GPC3: variants seen among roughly 807,000 people sequenced by gnomAD.
GPC3 encodes the protein glypican-3.
GPC3 carries 3 observed loss-of-function variants against 34.4 expected under a neutral mutation model. That is an observed-to-expected ratio of 0.09 (90% CI 0.04 to 0.23). The LOEUF (loss-of-function observed/expected upper bound fraction) is 0.23. Ranked by LOEUF, GPC3 falls within the 10% of genes least tolerant of loss-of-function variation. The pLI is 1.00. For synonymous variants in GPC3, 177 were observed against 174.0 expected (o/e 1.02, Z -0.13); for missense variants, 351 against 445.6 (o/e 0.79, Z 1.91).
At chrX:133,649,259 T>G (rs765985955) in intron 6 of GPC3, among the ~76,000 whole-genome samples, 2 of 99,572 alleles carry the variant, frequency 2.0e-5, no homozygotes, top group East Asian at 5.7e-4. Flanking sequence ...ATGACGAGGA[T>G]ATATATATAT....
intron 2 of GPC3, among the ~76,000 whole-genome samples, chrX:133,942,881 C>T (rs1037576812): frequency 1.8e-5 from 2 of 111,732 alleles, no homozygotes; most frequent in Non-Finnish European, 3.8e-5. Flanking sequence ...TTAATGCACA[C>T]TAAAATTTTT....
chrX:133,676,375 G>C (rs186624975), intron 5 of GPC3, among the ~76,000 whole-genome samples: 1 of 112,668 alleles, frequency 8.9e-6, no homozygotes, highest in Admixed American at 9.3e-5. Context: ...GGCATGGGCA[G>C]AGACACTGGC....
At chrX:133,734,159 T>C (rs1012517391) in intron 3 of GPC3, among the ~76,000 whole-genome samples, 6 of 111,889 alleles carry the variant, frequency 5.4e-5, no homozygotes, top group Non-Finnish European at 1.1e-4. Context: ...TCCTAGCAAA[T>C]TGAATCCAGC....
At chrX:133,974,108 T>A (rs955949154) in intron 1 of GPC3, among the ~76,000 whole-genome samples, 2 of 112,211 alleles carry the variant, frequency 1.8e-5, no homozygotes, top group African/African-American at 3.2e-5. Context: ...TGGAGTGCAG[T>A]GCCGTGATCT....
chrX:133,658,654 G>A (rs768376460), intron 6 of GPC3, among the ~76,000 whole-genome samples: 3 of 112,120 alleles, frequency 2.7e-5, no homozygotes, highest in Non-Finnish European at 5.6e-5. Context: ...CAATGTGGGT[G>A]TTTGGAGTCC....
At chrX:133,623,723 C>A (rs998698027) in intron 6 of GPC3, among the ~76,000 whole-genome samples, 2 of 111,534 alleles carry the variant, frequency 1.8e-5, no homozygotes, top group African/African-American at 3.3e-5. Context: ...GACTTTAACA[C>A]CCCACTGCCA....
At chrX:133,721,724 A>G (rs924553650) in intron 3 of GPC3, among the ~76,000 whole-genome samples, 6 of 111,704 alleles carry the variant, frequency 5.4e-5, no homozygotes, top group African/African-American at 1.6e-4. Flanking sequence ...AAAATCCCCA[A>G]CAGAATCCTA....
intron 2 of GPC3, among the ~76,000 whole-genome samples, chrX:133,815,879 T>C (rs2075689135): frequency 1.8e-5 from 2 of 111,378 alleles, no homozygotes; most frequent in African/African-American, 6.5e-5. Flanking sequence ...TCTTGAAAAC[T>C]ATATTCTGAG....
chrX:133,816,431 T>C (rs2075691936), intron 2 of GPC3, among the ~76,000 whole-genome samples: 1 of 111,924 alleles, frequency 8.9e-6, no homozygotes, highest in Non-Finnish European at 1.9e-5. Context: ...ACCAACTTCA[T>C]TAATCTCTTG....
chrX:133,712,725 C>CAAAAAAAA (rs780184204), intron 3 of GPC3, among the ~76,000 whole-genome samples: 16 of 103,166 alleles, frequency 1.6e-4, no homozygotes, highest in African/African-American at 5.4e-4. Context: ...ACTAAAAATA[C>CAAAAAAAA]AAAAAAAAAA....
chrX:133,553,338 A>G (rs948962937), intron 7 of GPC3, among the ~76,000 whole-genome samples: 2 of 111,931 alleles, frequency 1.8e-5, no homozygotes, highest in Non-Finnish European at 3.8e-5. Flanking sequence ...TGTAGGGCCA[A>G]TAAGGAATCC....
chrX:133,653,524 AC>A (rs2070622912), intron 6 of GPC3, among the ~76,000 whole-genome samples: 1 of 111,526 alleles, frequency 9.0e-6, no homozygotes, highest in Non-Finnish European at 1.9e-5. Context: ...CTGAATGAGA[AC>A]AGGAGCCTGA....
chrX:133,674,247 C>T, intron 5 of GPC3, among the ~76,000 whole-genome samples: 1 of 110,824 alleles, frequency 9.0e-6, no homozygotes, highest in East Asian at 2.8e-4. Context: ...TAAAAAAGAG[C>T]TTCCTGAGAG....
chrX:133,967,213 G>A (rs2076467769), intron 1 of GPC3, among the ~76,000 whole-genome samples: 1 of 112,336 alleles, frequency 8.9e-6, no homozygotes, highest in Non-Finnish European at 1.9e-5. Flanking sequence ...GGTTATGAAT[G>A]CAACACATAA....
intron 2 of GPC3, among the ~76,000 whole-genome samples, chrX:133,885,880 G>A (rs1427416885): frequency 9.0e-6 from 1 of 110,814 alleles, no homozygotes; most frequent in Admixed American, 9.7e-5. Flanking sequence ...TTAAAATTTC[G>A]AGTTTTAGCA....
intron 2 of GPC3, among the ~76,000 whole-genome samples, chrX:133,819,831 A>G (rs1208499203): frequency 8.9e-6 from 1 of 112,100 alleles, no homozygotes; most frequent in Non-Finnish European, 1.9e-5. Flanking sequence ...CATTTTAAAG[A>G]TAATGAAACT....
At chrX:133,982,261 G>A (rs1181892299) in intron 1 of GPC3, among the ~76,000 whole-genome samples, 1 of 111,841 alleles carries the variant, frequency 8.9e-6, no homozygotes. Flanking sequence ...AATTAAATAA[G>A]GGCAAAAGAG....
At chrX:133,941,192 T>C (rs1164977438) in intron 2 of GPC3, among the ~76,000 whole-genome samples, 1 of 112,233 alleles carries the variant, frequency 8.9e-6, no homozygotes, top group Non-Finnish European at 1.9e-5. Flanking sequence ...CTGGGGCATG[T>C]AGGAGTAAAC....
chrX:133,954,738 CTTTTTTTTTTTTT>C (rs1166218378), intron 1 of GPC3, among the ~76,000 whole-genome samples: 2 of 53,786 alleles, frequency 3.7e-5, no homozygotes, highest in African/African-American at 7.7e-5. Flanking sequence ...CAAACTTTCT[CTTTTTTTTTTTTT>C]TTTTTTTTTT....
Sources: allele counts gnomAD v4.1 joint callset (sites outside exome capture counted in the v4.1 genomes callset), GRCh38; gene constraint gnomAD v4.1.1; transcripts MANE v1.5; gene names NCBI Gene and HGNC (gene_info 2026-07-23, HGNC 2026-07-21).